NAV2: variants seen among roughly 807,000 people sequenced by gnomAD.
The protein encoded by NAV2 is helicase, APC down-regulated 1.
NAV2 carries 54 observed loss-of-function variants against 223.2 expected under a neutral mutation model. That is an observed-to-expected ratio of 0.24 (90% CI 0.19 to 0.30). The LOEUF (loss-of-function observed/expected upper bound fraction) is 0.30. Ranked by LOEUF, NAV2 falls within the 10% of genes least tolerant of loss-of-function variation. The probability of loss-of-function intolerance (pLI) is 1.00; values close to 1 mark genes in which losing one functional copy is unlikely to be tolerated. For synonymous variants in NAV2, 1,279 were observed against 1,239.3 expected (o/e 1.03, Z -0.67); for missense variants, 2,806 against 3,147.5 (o/e 0.89, Z 2.60).
intron 1 of NAV2, among the ~76,000 whole-genome samples, chr11:19,372,132 G>A (rs967373812): frequency 7.2e-5 from 11 of 152,104 alleles, no homozygotes; most frequent in Non-Finnish European, 1.2e-4. Context: ...TAAGGAATTG[G>A]AAAACCTGGA....
chr11:19,570,937 G>A (rs58906355), intron 1 of NAV2, among the ~76,000 whole-genome samples: 2,314 of 152,160 alleles, frequency 0.015, 49 homozygotes, highest in African/African-American at 0.031. Context: ...ACTTCTAGGC[G>A]TACACCAAAA....
chr11:19,913,857 C>T (rs1348061743), intron 6 of NAV2, among the ~76,000 whole-genome samples: 1 of 152,138 alleles, frequency 6.6e-6, no homozygotes, highest in Non-Finnish European at 1.5e-5. Flanking sequence ...CCTTAGTCTC[C>T]TATAGGGACC....
At chr11:19,816,312 T>A (rs1590700994) in intron 1 of NAV2, among the ~76,000 whole-genome samples, 2 of 152,042 alleles carry the variant, frequency 1.3e-5, no homozygotes, top group African/African-American at 4.8e-5. Context: ...CCTTCCAGAG[T>A]TTTTTAAAGC....
At chr11:19,807,784 AAT>A (rs1303813013) in intron 1 of NAV2, among the ~76,000 whole-genome samples, 1 of 152,054 alleles carries the variant, frequency 6.6e-6, no homozygotes, top group Admixed American at 6.6e-5. Flanking sequence ...CCTCTCAAAA[AAT>A]TCTCTCTCTA....
chr11:20,061,524 G>A (rs908234333), intron 19 of NAV2, among the ~76,000 whole-genome samples: 7 of 150,826 alleles, frequency 4.6e-5, no homozygotes, highest in African/African-American at 1.5e-4. Context: ...AGCTGAGATC[G>A]TGCCATTGCG....
At chr11:19,401,782 A>G (rs1012134851) in intron 1 of NAV2, 1 of 152,226 alleles carries the variant, frequency 6.6e-6, no homozygotes, top group Non-Finnish European at 1.5e-5. Context: ...ACTAAATTCT[A>G]GAAGGAATAA....
intron 1 of NAV2, among the ~76,000 whole-genome samples, chr11:19,752,186 A>G (rs1565255234): frequency 6.6e-6 from 1 of 152,132 alleles, no homozygotes; most frequent in Non-Finnish European, 1.5e-5. Context: ...AAACTGTGTA[A>G]GAGAATGGTG....
intron 1 of NAV2, among the ~76,000 whole-genome samples, chr11:19,432,955 T>C (rs1415736292): frequency 1.3e-5 from 2 of 152,188 alleles, no homozygotes; most frequent in South Asian, 2.1e-4. Flanking sequence ...CTGAAGGCAC[T>C]GATGTTAACC....
chr11:19,880,248 G>GGAAAATAC (rs1436340675), intron 5 of NAV2, 121 bp downstream of exon 5: 2 of 1,347,314 alleles, frequency 1.5e-6, no homozygotes, highest in African/African-American at 3.0e-5. Context: ...AGAGCTACTG[G>GGAAAATAC]TGGTTAGTGG....
Position 20,103,197 on chromosome 11 carries a change from TGTCTTCACTGA to T in NAV2, c.6418-55_6418-45del, listed in dbSNP as rs2061763242. 4.5e-6 allele frequency: 7 copies of T among 1,542,760 alleles called. No individual in the cohort carries two copies. In the Admixed American group the frequency reaches 1.1e-4, roughly 24 times the overall value. ...GGTGAGGCAAAGGCCCTGAGCGGTG[TGTCTTCACTGA>T]GTGCATTCACCCACTTGTTCTCCTT... On this transcript the variant is annotated intron_variant, in intron 32 of 37. Transcript: ENST00000349880.
chr11:19,946,506 A>G lies in NAV2; in HGVS notation c.2252A>G (p.His751Arg). Residue 751 changes from histidine (H) to arginine (R), a missense_variant, in exon 9 of 38, where the codon CAC (histidine) becomes CGC (arginine). Physicochemically the swap from His to Arg is conservative, Grantham distance 29. Coordinates refer to ENST00000349880, the MANE Select transcript of NAV2 (RefSeq NM_145117.5). ...AGTTTAAGGGGAACTCAGGTTACAC[A>G]CAGGTATCTGCAGTGTGAATTACTT... ...MSSLRGTQVTHSTLETTFDTN... is the reference protein window; with the variant it reads ...MSSLRGTQVTRSTLETTFDTN... 9 of 1,612,134 alleles carry G rather than the reference A, an allele frequency of 5.6e-6. No individual in the cohort carries two copies. Among genetic ancestry groups the G allele is most frequent in the Non-Finnish European group, 7.6e-6 (9 of 1,178,880 alleles).
At chr11:20,052,906 C>T (rs2058102749) in intron 17 of NAV2, among the ~76,000 whole-genome samples, 1 of 152,078 alleles carries the variant, frequency 6.6e-6, no homozygotes, top group Non-Finnish European at 1.5e-5. Context: ...GATACCCTGG[C>T]CACTTGGCAC....
intron 1 of NAV2, among the ~76,000 whole-genome samples, chr11:19,430,499 G>A (rs1014345591): frequency 6.6e-6 from 1 of 152,228 alleles, no homozygotes; most frequent in Non-Finnish European, 1.5e-5. Context: ...GAGGAGGGGA[G>A]TGAGCAGCAA....
intron 1 of NAV2, among the ~76,000 whole-genome samples, chr11:19,476,505 C>G (rs2133967865): frequency 6.6e-6 from 1 of 152,268 alleles, no homozygotes; most frequent in East Asian, 1.9e-4. Context: ...CCTAAGCAGC[C>G]ATTCCTGCAC....
At chr11:20,058,553 A>G (rs1689581327) in intron 19 of NAV2, among the ~76,000 whole-genome samples, 3 of 152,214 alleles carry the variant, frequency 2.0e-5, no homozygotes, top group Admixed American at 1.3e-4. Flanking sequence ...ACTAAGAGCT[A>G]ATGCAGTGAA....
rs184263403 is a variant in NAV2 at position 19,675,550 on chromosome 11, C to G, written c.76-156934C>G. Among the ~76,000 whole-genome samples the G allele has an allele frequency of 2.0e-5, 3 of 152,312 alleles. No homozygotes were observed. In the East Asian group the frequency reaches 5.8e-4, roughly 29 times the overall value. On this transcript the variant is annotated intron_variant, in intron 1 of 37. Transcript: ENST00000360655. Reference sequence around the variant, plus strand: ...TGGAGAGCAGGGAGCATGTCATATGCCTCCTGGCACAGGACATAGCAAATA... The same window carrying G: ...TGGAGAGCAGGGAGCATGTCATATGGCTCCTGGCACAGGACATAGCAAATA...
Position 20,105,629 on chromosome 11 carries a change from G to T in NAV2, c.6743G>T (p.Arg2248Leu). The change falls in exon 35 of 38, where the codon CGC becomes CTC. Residue 2248 changes from arginine to leucine, a missense_variant. Coordinates refer to ENST00000349880, the MANE Select transcript of NAV2 (RefSeq NM_145117.5). ...LMETEISGRV[R>L]NMELVKIIDW... ...GAAACAGAGATCAGTGGGCGGGTGC[G>T]CAATATGGAGCTGGTAAAAATCATT... The T allele has an allele frequency of 1.2e-6, 2 of 1,613,906 alleles. No individual in the cohort carries two copies. Among genetic ancestry groups the T allele is most frequent in the Non-Finnish European group, 1.7e-6 (2 of 1,179,902 alleles).
chr11:20,099,371 G>T (rs555350512), intron 31 of NAV2, among the ~76,000 whole-genome samples: 12 of 152,308 alleles, frequency 7.9e-5, no homozygotes, highest in Non-Finnish European at 1.5e-4. Flanking sequence ...TTGTTCACTT[G>T]CTGGTTTTAC....
At chr11:19,853,846 T>A (rs987917000) in intron 3 of NAV2, among the ~76,000 whole-genome samples, 2 of 151,746 alleles carry the variant, frequency 1.3e-5, no homozygotes, top group Admixed American at 1.3e-4. Context: ...TTAACTTCTT[T>A]GAGGACAGTA....
Sources: allele counts gnomAD v4.1 joint callset (sites outside exome capture counted in the v4.1 genomes callset), GRCh38; gene constraint gnomAD v4.1.1; transcripts MANE v1.5; gene names NCBI Gene and HGNC (gene_info 2026-07-23, HGNC 2026-07-21).